The following WDFY1 variants were observed in gnomAD, a reference collection of about 807,000 sequenced individuals.
The protein encoded by WDFY1 is WD repeat and FYVE domain containing 1.
Under a neutral mutation model 56.4 loss-of-function variants are expected in WDFY1, and 32 were observed. The ratio of observed to expected loss-of-function variants is 0.57; its 90% CI spans 0.43 to 0.76. The LOEUF is 0.76. WDFY1 is among the 30% of genes least tolerant of loss of function. The pLI is 0.00. For synonymous variants in WDFY1, 192 were observed against 197.3 expected (o/e 0.97, Z 0.23); for missense variants, 480 against 545.7 (o/e 0.88, Z 1.20).
chr2:223,939,746 T>G (rs562245583), intron 1 of WDFY1, among the ~76,000 whole-genome samples: 18 of 152,050 alleles, frequency 1.2e-4, no homozygotes, highest in Non-Finnish European at 4.4e-5. Flanking sequence ...CCACAACACA[T>G]GGGAATTATG....
chr2:223,934,557 G>C (rs796285734), intron 1 of WDFY1, among the ~76,000 whole-genome samples: 14 of 152,192 alleles, frequency 9.2e-5, no homozygotes, highest in African/African-American at 3.1e-4. Flanking sequence ...TCTCACTCTT[G>C]TCACCCAAGC....
At chr2:223,897,769 G>A (rs1559166142) in intron 6 of WDFY1, among the ~76,000 whole-genome samples, 1 of 152,028 alleles carries the variant, frequency 6.6e-6, no homozygotes, top group East Asian at 1.9e-4. Context: ...GAATGGTTTA[G>A]TGCCATCCCC....
intron 8 of WDFY1, among the ~76,000 whole-genome samples, 167 bp downstream of exon 8, chr2:223,894,067 G>C (rs1234294337): frequency 6.6e-6 from 1 of 152,218 alleles, no homozygotes. Context: ...AGGAAGCAAT[G>C]CAAAATGACA....
chr2:223,881,981 C>G lies in WDFY1; in HGVS notation c.1025G>C (p.Arg342Pro). Residue 342 changes from arginine to proline, a missense_variant, in exon 10 of 12, where the codon CGG becomes CCG. By Grantham distance (103) the Arg-to-Pro change is moderately radical. Transcript: ENST00000233055. ...GGAGTCGTAACAAGAATCACAAACCCGGACTTGGAACTCGAAGCCCATGAC... is the reference window on the plus strand; with the variant it reads ...GGAGTCGTAACAAGAATCACAAACCGGGACTTGGAACTCGAAGCCCATGAC... ...YPVMGFEFQV[R>P]VCDSCYDSIK... 6.2e-7 allele frequency: 1 copy of G among 1,613,986 alleles called. No homozygotes were observed. Among genetic ancestry groups the G allele is most frequent in the East Asian group, 2.2e-5 (1 of 44,872 alleles).
chr2:223,927,584 G>A (rs555845902), intron 1 of WDFY1, among the ~76,000 whole-genome samples: 1 of 152,176 alleles, frequency 6.6e-6, no homozygotes, highest in African/African-American at 2.4e-5. Context: ...GTTGTGGCTG[G>A]TCTGATCTTC....
chr2:223,909,307 G>A (rs1693653110), intron 3 of WDFY1, among the ~76,000 whole-genome samples: 1 of 151,912 alleles, frequency 6.6e-6, no homozygotes, highest in Admixed American at 6.6e-5. Flanking sequence ...ACGTGGTCTG[G>A]GCCCCTTAAA....
intron 1 of WDFY1, among the ~76,000 whole-genome samples, chr2:223,920,320 C>T (rs1388632209): frequency 2.0e-5 from 3 of 152,238 alleles, no homozygotes; most frequent in Non-Finnish European, 2.9e-5. Context: ...AGGCTGGGCC[C>T]ACGCGGCCAG....
At chr2:223,910,908 A>G (rs1693687272) in intron 3 of WDFY1, among the ~76,000 whole-genome samples, 1 of 152,208 alleles carries the variant, frequency 6.6e-6, no homozygotes, top group South Asian at 2.1e-4. Flanking sequence ...TTCCACTCCT[A>G]GGTATACATA....
intron 1 of WDFY1, among the ~76,000 whole-genome samples, chr2:223,930,602 G>A (rs1201721640): frequency 6.6e-6 from 1 of 152,168 alleles, no homozygotes; most frequent in Non-Finnish European, 1.5e-5. Flanking sequence ...GGCATGAACT[G>A]CCGTGCCTTG....
intron 1 of WDFY1, among the ~76,000 whole-genome samples, chr2:223,932,882 G>A (rs1044812832): frequency 6.0e-5 from 9 of 149,158 alleles, no homozygotes; most frequent in African/African-American, 2.0e-4. Context: ...AAAAAAAAGT[G>A]TACTTCTGGC....
chr2:223,905,017 C>T (rs1243600188), intron 4 of WDFY1, among the ~76,000 whole-genome samples: 1 of 152,136 alleles, frequency 6.6e-6, no homozygotes. Context: ...ACTCCAGCTC[C>T]CTGGGAATAT....
intron 9 of WDFY1, 29 bp from the exon 10 acceptor site, chr2:223,882,101 A>G: frequency 6.2e-7 from 1 of 1,605,472 alleles, no homozygotes; most frequent in South Asian, 1.1e-5. Flanking sequence ...GGAGGAAAAC[A>G]GGGTGTTAGC....
intron 1 of WDFY1, among the ~76,000 whole-genome samples, chr2:223,933,487 A>T (rs1327343591): frequency 6.6e-6 from 1 of 152,092 alleles, no homozygotes; most frequent in Non-Finnish European, 1.5e-5. Context: ...TAATCTAGAC[A>T]GGCTGGAGTC....
At chr2:223,930,401 C>T (rs1013202553) in intron 1 of WDFY1, among the ~76,000 whole-genome samples, 1 of 152,338 alleles carries the variant, frequency 6.6e-6, no homozygotes, top group South Asian at 2.1e-4. Context: ...TTGATCTCGG[C>T]TCACTGCAAC....
chr2:223,938,432 C>T (rs944379040), intron 1 of WDFY1, among the ~76,000 whole-genome samples: 8 of 152,272 alleles, frequency 5.3e-5, no homozygotes, highest in South Asian at 4.1e-4. Context: ...ATTTTAGTTC[C>T]GCTCTGAAAG....
chr2:223,908,183 A>C (rs1161931118), intron 3 of WDFY1, among the ~76,000 whole-genome samples: 1 of 152,158 alleles, frequency 6.6e-6, no homozygotes. Context: ...TTAAAAAATA[A>C]ATACATAAAT....
chr2:223,915,263 T>A (rs562853), intron 2 of WDFY1, among the ~76,000 whole-genome samples: 80 of 152,346 alleles, frequency 5.3e-4, no homozygotes, highest in African/African-American at 1.8e-3. Flanking sequence ...GACCACCCAC[T>A]GCGAAGCTGT....
intron 1 of WDFY1, among the ~76,000 whole-genome samples, chr2:223,935,261 AT>A (rs1694150406): frequency 6.6e-6 from 1 of 152,198 alleles, no homozygotes; most frequent in Admixed American, 6.5e-5. Context: ...GAGAAAAAAA[AT>A]CCACACAGGC....
chr2:223,895,097 C>A (rs899299858), intron 7 of WDFY1, among the ~76,000 whole-genome samples: 1 of 152,024 alleles, frequency 6.6e-6, no homozygotes, highest in Admixed American at 6.6e-5. Context: ...AAACAAAGAA[C>A]AAAAAACAAG....
Sources: allele counts gnomAD v4.1 joint callset (sites outside exome capture counted in the v4.1 genomes callset), GRCh38; gene constraint gnomAD v4.1.1; transcripts MANE v1.5; gene names NCBI Gene and HGNC (gene_info 2026-07-23, HGNC 2026-07-21).